Variants in LRRC37A2 observed in about 807,000 individuals in gnomAD.
The protein encoded by LRRC37A2 is leucine rich repeat containing 37 member A2.
LRRC37A2 carries 9 observed loss-of-function variants against 68.8 expected under a neutral mutation model. The observed-to-expected ratio is 0.13, with a 90% confidence interval of 0.08 to 0.23. LRRC37A2 has a LOEUF of 0.23. Ranked by LOEUF, LRRC37A2 falls within the 10% of genes least tolerant of loss-of-function variation. LRRC37A2 has a pLI of 1.00. For missense variants in LRRC37A2, 168 were observed against 950.4 expected, an observed-to-expected ratio of 0.18 and a Z score of 10.82; for synonymous variants, 63 against 367.6, an observed-to-expected ratio of 0.17 and a Z score of 9.48.
chr17:46,836,315 C>T, the LRRC37A2 span, among the ~76,000 whole-genome samples: 5 of 152,212 alleles, frequency 3.3e-5, 1 homozygote, highest in East Asian at 9.6e-4. Context: ...AATTGCATTC[C>T]TTGGAACTGC....
the LRRC37A2 span, among the ~76,000 whole-genome samples, chr17:46,746,119 G>A: frequency 6.6e-6 from 1 of 152,150 alleles, no homozygotes; most frequent in African/African-American, 2.4e-5. Flanking sequence ...TTTTGCATCT[G>A]TCTTTCTGTG....
chr17:46,878,614 T>C, the LRRC37A2 span, among the ~76,000 whole-genome samples: 1 of 152,208 alleles, frequency 6.6e-6, no homozygotes, highest in Non-Finnish European at 1.5e-5. Flanking sequence ...AGATTTTCTC[T>C]GCCTTCCCAA....
At chr17:46,909,453 T>G in the LRRC37A2 span, among the ~76,000 whole-genome samples, 3 of 152,248 alleles carry the variant, frequency 2.0e-5, no homozygotes, top group African/African-American at 7.2e-5. Flanking sequence ...ATGAAAAATA[T>G]CGTTTCAACA....
chr17:46,770,842 T>C, the LRRC37A2 span, among the ~76,000 whole-genome samples: 1 of 152,210 alleles, frequency 6.6e-6, no homozygotes, highest in Non-Finnish European at 1.5e-5. Flanking sequence ...TTCATTCACA[T>C]GGAAAGTTTT....
At chr17:47,018,790 C>T in the LRRC37A2 span, 3 of 1,521,260 alleles carry the variant, frequency 2.0e-6, no homozygotes, top group Non-Finnish European at 2.7e-6. Context: ...GTAGCTCAAC[C>T]TCCAGAGCAT....
At chr17:46,503,252 A>T in the LRRC37A2 span, among the ~76,000 whole-genome samples, 1 of 145,350 alleles carries the variant, frequency 6.9e-6, no homozygotes, top group African/African-American at 2.7e-5. Context: ...CTTCCCAACA[A>T]GCGTTTCTCT....
chr17:46,929,739 ACTGATTTCC>A, the LRRC37A2 span: 1 of 629,488 alleles, frequency 1.6e-6, no homozygotes, highest in East Asian at 2.8e-5. Context: ...TGGCAAAGTC[ACTGATTTCC>A]CTGAGTGTGC....
chr17:47,040,219 T>A, the LRRC37A2 span, among the ~76,000 whole-genome samples: 1 of 149,206 alleles, frequency 6.7e-6, no homozygotes, highest in African/African-American at 2.5e-5. Flanking sequence ...GAGGCTGAGG[T>A]TGAGGCTGAG....
At chr17:47,026,704 A>G in the LRRC37A2 span, among the ~76,000 whole-genome samples, 3 of 152,264 alleles carry the variant, frequency 2.0e-5, no homozygotes. Flanking sequence ...GAAATATTAA[A>G]GCAATATAAA....
At chr17:46,848,288 T>C in the LRRC37A2 span, among the ~76,000 whole-genome samples, 2 of 152,160 alleles carry the variant, frequency 1.3e-5, no homozygotes, top group Non-Finnish European at 2.9e-5. Flanking sequence ...TCACCACACA[T>C]GTGTTTGTAT....
chr17:46,943,528 C>T, the LRRC37A2 span, among the ~76,000 whole-genome samples: 2 of 152,250 alleles, frequency 1.3e-5, no homozygotes, highest in Non-Finnish European at 2.9e-5. Flanking sequence ...CCTGCCCCTC[C>T]CCTCCAAACA....
the LRRC37A2 span, among the ~76,000 whole-genome samples, chr17:46,865,296 C>T: frequency 1.3e-5 from 2 of 152,220 alleles, no homozygotes. Flanking sequence ...AGCACGTCTC[C>T]CTGATGCCAT....
chr17:47,028,395 C>T, the LRRC37A2 span: 4 of 1,243,900 alleles, frequency 3.2e-6, no homozygotes, highest in Non-Finnish European at 3.5e-6. Flanking sequence ...ATGTAAACAA[C>T]TATTTATCTA....
rs998422577 is a variant in LRRC37A2 at position 46,534,176 on chromosome 17, G to GT, written c.2907-5992dup. 7.5e-5 allele frequency among the ~76,000 whole-genome samples: 11 copies of GT among 147,586 alleles called. 1 individual carries two copies. Among genetic ancestry groups the GT allele is most frequent in the Admixed American group, 2.7e-4 (4 of 15,042 alleles). On this transcript the variant is annotated intron_variant, in intron 6 of 14. Coordinates refer to ENST00000576629, the Ensembl canonical transcript of LRRC37A2. Reference sequence around the variant, plus strand: ...CTACAGGCATGCACCACCATGCCCAGTTTTTTTTGTTTTTGTTTTTGTTTT... The same window carrying GT: ...CTACAGGCATGCACCACCATGCCCAGTTTTTTTTTGTTTTTGTTTTTGTTTT...
chr17:46,780,482 CA>C, the LRRC37A2 span, among the ~76,000 whole-genome samples: 1 of 152,210 alleles, frequency 6.6e-6, no homozygotes, highest in African/African-American at 2.4e-5. Flanking sequence ...GGTATACGCC[CA>C]AAAGAATTGA....
the LRRC37A2 span, among the ~76,000 whole-genome samples, chr17:46,599,908 C>G: frequency 2.5e-5 from 3 of 118,164 alleles, no homozygotes; most frequent in African/African-American, 1.1e-4. Context: ...CATTACAGAT[C>G]CAATTGACTC....
At chr17:46,998,669 C>T in the LRRC37A2 span, 1 of 152,286 alleles carries the variant, frequency 6.6e-6, no homozygotes, top group African/African-American at 2.4e-5. Context: ...GACTTCCCCC[C>T]ACAAAACATG....
At chr17:46,930,851 T>C in the LRRC37A2 span, 2 of 451,854 alleles carry the variant, frequency 4.4e-6, no homozygotes, top group African/African-American at 4.0e-5. Flanking sequence ...TCTACAGATT[T>C]ACCTTCAGCT....
At chr17:46,817,594 C>A in the LRRC37A2 span, among the ~76,000 whole-genome samples, 6 of 152,160 alleles carry the variant, frequency 3.9e-5, no homozygotes, top group Admixed American at 1.3e-4. Context: ...GCTCCCAAAG[C>A]GATGTTTATT....
Sources: allele counts gnomAD v4.1 joint callset (sites outside exome capture counted in the v4.1 genomes callset), GRCh38; gene constraint gnomAD v4.1.1; transcripts MANE v1.5; gene names NCBI Gene and HGNC (gene_info 2026-07-23, HGNC 2026-07-21).